DOK7: variants seen among roughly 807,000 people sequenced by gnomAD.
DOK7 encodes the protein docking protein 7.
DOK7 carries 32 observed loss-of-function variants against 30.7 expected under a neutral mutation model. That is an observed-to-expected ratio of 1.04 (90% CI 0.79 to 1.40). DOK7 has a LOEUF of 1.40. Ranked by LOEUF, DOK7 falls within the 40% of genes most tolerant of loss-of-function variation. The probability of loss-of-function intolerance (pLI) is 0.00; values close to 1 mark genes in which losing one functional copy is unlikely to be tolerated. For synonymous variants in DOK7, 447 were observed against 324.1 expected (o/e 1.38, Z -4.07); for missense variants, 1,007 against 699.2 (o/e 1.44, Z -4.97).
Position 3,489,650 on chromosome 4 carries a change from CTCCACCGAG to C in DOK7, c.653-24_653-16del. 1 of 1,560,676 alleles carries C rather than the reference CTCCACCGAG, an allele frequency of 6.4e-7. No homozygotes were observed. On this transcript the variant is annotated intron_variant, in intron 5 of 6. Transcript: ENST00000340083. ...GAGGGTGGGCGGTGGTGGCCACCTC[CTCCACCGAG>C]TCTTCTCTCTGCCACAGACCCAAGT...
chr4:3,496,195 T>C (rs755832844), downstream of DOK7, among the ~76,000 whole-genome samples: 2 of 152,210 alleles, frequency 1.3e-5, no homozygotes, highest in East Asian at 1.9e-4. Flanking sequence ...GACCCCACCA[T>C]AGGCTCCTCC....
intron 3 of DOK7, among the ~76,000 whole-genome samples, 200 bp from the exon 4 acceptor site, chr4:3,476,142 C>T (rs1418837990): frequency 3.4e-5 from 5 of 149,122 alleles, no homozygotes; most frequent in East Asian, 4.0e-4. Context: ...GATGCCCTCT[C>T]GCCCCGCCTG....
chr4:3,469,315 G>A (rs1350050136), intron 2 of DOK7, among the ~76,000 whole-genome samples: 2 of 152,078 alleles, frequency 1.3e-5, no homozygotes, highest in Non-Finnish European at 2.9e-5. Flanking sequence ...ATCACGACCC[G>A]GTGCCCTCCA....
At position 3,473,732 on chromosome 4, in the gene DOK7, G is replaced by A. The variant is rs113039478; in HGVS notation, c.331+96G>A. ...GCTGCAGAGGTGGGAGCGGCTCCAG[G>A]GAACCGTGCAGGAAGATGGGACATT... On this transcript the variant is annotated intron_variant, in intron 3 of 6. Transcript: ENST00000340083. 19 of 1,206,858 alleles carry A rather than the reference G, an allele frequency of 1.6e-5. No individual in the cohort carries two copies. In the African/African-American group the frequency reaches 1.7e-4, roughly 11 times the overall value. 74.8% of individuals were successfully genotyped at this position (1,206,858 alleles called of 1,614,324 possible).
intron 2 of DOK7, among the ~76,000 whole-genome samples, chr4:3,466,415 C>T (rs1407560992): frequency 6.6e-6 from 1 of 152,222 alleles, no homozygotes; most frequent in African/African-American, 2.4e-5. Context: ...GGGCCCTGCC[C>T]TCCACAGCGC....
Position 3,493,025 on chromosome 4 carries a change from T to C in DOK7, c.1039T>C (p.Ser347Pro). 6.4e-7 allele frequency: 1 copy of C among 1,569,960 alleles called. No individual in the cohort carries two copies. Among genetic ancestry groups the C allele is most frequent in the African/African-American group, 1.3e-5 (1 of 74,456 alleles). Residue 347 changes from serine (S) to proline (P), a missense_variant, in exon 7 of 7, where the codon TCT (serine) becomes CCT (proline). By Grantham distance (74) the Ser-to-Pro change is moderately conservative. Transcript: ENST00000340083. The stretch of plus-strand genomic sequence containing the variant: ...CGGCATCGCCACTGGCAGCCACTCC[T>C]CTTACTCCAGCAGCCTCTCGTCCTA... ...DSGIATGSHS[S>P]YSSSLSSYAG...
intron 4 of DOK7, among the ~76,000 whole-genome samples, chr4:3,477,354 C>A (rs1185973090): frequency 6.6e-6 from 1 of 152,206 alleles, no homozygotes; most frequent in African/African-American, 2.4e-5. Context: ...GCTGAGAGGA[C>A]TGAGGGACTG....
rs142267839 is a variant in DOK7, at chr4:3,493,815, G to A, written c.*314G>A. On this transcript the variant is annotated 3_prime_UTR_variant, in exon 7 of 7. Transcript: ENST00000340083. ...GTGAGTGCTGCACCTCTGTTGGCTC[G>A]TGCCTTGCACTGGGGTGCCAAGGGC... 9 of 1,273,050 alleles carry A rather than the reference G, an allele frequency of 7.1e-6. No homozygotes were observed. Among genetic ancestry groups the A allele is most frequent in the Middle Eastern group, 3.1e-4 (1 of 3,270 alleles). 78.9% of individuals were successfully genotyped at this position (1,273,050 alleles called of 1,614,324 possible).
chr4:3,493,078 G>T lies in DOK7; in HGVS notation c.1092G>T (p.Arg364=), dbSNP rs767282152. The change falls in exon 7 of 7, where the codon CGG becomes CGT. Residue 364 remains arginine, a synonymous_variant. Transcript: ENST00000340083. The stretch of plus-strand genomic sequence containing the variant: ...CGGGCAGCAGCCTGGACGTGTGGCG[G>T]GCCACAGATGAACTGGGCTCACTGC... ...SYAGSSLDVW[R]ATDELGSLLS... is the part of the protein sequence containing the mutation. 6.3e-7 allele frequency: 1 copy of T among 1,576,108 alleles called. No individual in the cohort carries two copies.
In DOK7 at chr4:3,492,797, A is replaced by G. The variant is rs756253716; in HGVS notation, c.811A>G (p.Ser271Gly). 2.0e-5 allele frequency: 33 copies of G among 1,612,670 alleles called. 1 individual carries two copies. The South Asian group carries it at 2.1e-4, about 10-fold the overall frequency. ...RSLSSSSSEA[S>G]HLDVSASSRL... ...CCTGTCCAGCTCATCCTCAGAGGCC[A>G]GTCACTTGGACGTCAGCGCCAGCAG... Residue 271 changes from serine to glycine, a missense_variant, in exon 7 of 7, where the codon AGT becomes GGT. Transcript: ENST00000340083.
At position 3,493,502 on chromosome 4, in the gene DOK7, G is replaced by A. The variant is rs748297929; in HGVS notation, c.*1G>A. On this transcript the variant is annotated 3_prime_UTR_variant, in exon 7 of 7. Coordinates refer to ENST00000340083, the MANE Select transcript of DOK7 (RefSeq NM_173660.5). ...ACTCAAGGTAAACCCCCCTCCTTGA[G>A]AGCCGCAGATCCCGCCCCGCGGCTG... The A allele has an allele frequency of 1.8e-5, 29 of 1,610,792 alleles. No homozygotes were observed. Among genetic ancestry groups the A allele is most frequent in the South Asian group, 3.3e-5 (3 of 90,764 alleles).
chr4:3,485,868 G>A (rs1025493617), intron 5 of DOK7, among the ~76,000 whole-genome samples: 4 of 152,254 alleles, frequency 2.6e-5, no homozygotes, highest in South Asian at 2.1e-4. Context: ...GGCTGGGCTC[G>A]TACCTGCAGG....
At chr4:3,485,438 G>A (rs1005500489) in intron 4 of DOK7, 101 bp from the exon 5 acceptor site, 51 of 1,366,088 alleles carry the variant, frequency 3.7e-5, no homozygotes, top group Middle Eastern at 2.0e-4. Context: ...TGTCATTGTC[G>A]GCTCTTGGTG....
At chr4:3,490,799 C>T (rs1309833092) in intron 6 of DOK7, among the ~76,000 whole-genome samples, 4 of 50,754 alleles carry the variant, frequency 7.9e-5, no homozygotes, top group African/African-American at 2.8e-4. Flanking sequence ...ATTCCTTCCT[C>T]TGCCCCCCCG....
downstream of DOK7, among the ~76,000 whole-genome samples, chr4:3,495,448 G>T (rs1577188371): frequency 6.6e-6 from 1 of 152,368 alleles, no homozygotes; most frequent in African/African-American, 2.4e-5. Context: ...GAGTCATGGG[G>T]CCTCTTGCCT....
Position 3,485,508 on chromosome 4 carries a change from A to G in DOK7, c.533-31A>G, listed in dbSNP as rs181786949. The G allele has an allele frequency of 0.022, 34,270 of 1,549,666 alleles. 689 individuals carry two copies. The highest frequency in any genetic ancestry group is 0.023 in the Non-Finnish European group (25,875 of 1,142,204). On this transcript the variant is annotated intron_variant, in intron 4 of 6. Transcript: ENST00000340083. ...AGGGTCCCCAGCCCGCCCTCGGGCC[A>G]GACTGACCTGTCTCTGTCCTTCCTC...
At chr4:3,471,645 G>T (rs1726774925) in intron 2 of DOK7, among the ~76,000 whole-genome samples, 1 of 152,260 alleles carries the variant, frequency 6.6e-6, no homozygotes, top group Non-Finnish European at 1.5e-5. Flanking sequence ...GGGTGCTCTG[G>T]TGACGCATTT....
At chr4:3,490,706 GCATTCCTTCATTTCCCCCCACT>G (rs1728298815) in intron 6 of DOK7, among the ~76,000 whole-genome samples, 1 of 54,862 alleles carries the variant, frequency 1.8e-5, no homozygotes, top group Admixed American at 2.8e-4. Context: ...CCCCCCTCAT[GCATTCCTTCATTTCCCCCCACT>G]CATTCCTTCC....
At chr4:3,487,883 T>C (rs1209199173) in intron 5 of DOK7, among the ~76,000 whole-genome samples, 1 of 152,212 alleles carries the variant, frequency 6.6e-6, no homozygotes, top group South Asian at 2.1e-4. Context: ...GTCCTGTCAC[T>C]GTGCTTGTCT....
Sources: gnomAD v4.1 joint callset for allele counts (sites outside exome capture counted in the v4.1 genomes callset) on GRCh38, gnomAD v4.1.1 for gene constraint, MANE v1.5 for transcripts, NCBI Gene and HGNC (gene_info 2026-07-23, HGNC 2026-07-21) for gene names.